The following DGKG variants were observed in gnomAD, a reference collection of about 807,000 sequenced individuals.
DGKG encodes the protein DAG kinase gamma.
DGKG carries 78 observed loss-of-function variants against 105.3 expected under a neutral mutation model. The observed-to-expected ratio is 0.74, with a 90% CI of 0.62 to 0.89. The LOEUF (loss-of-function observed/expected upper bound fraction) is 0.89. DGKG is among the 40% of genes least tolerant of loss of function. The pLI is 0.00. For synonymous variants in DGKG, 346 were observed against 367.1 expected (o/e 0.94, Z 0.66); for missense variants, 958 against 1,020.1 (o/e 0.94, Z 0.83).
intron 2 of DGKG, among the ~76,000 whole-genome samples, chr3:186,308,538 T>C (rs1724366529): frequency 6.6e-6 from 1 of 152,156 alleles, no homozygotes; most frequent in South Asian, 2.1e-4. Context: ...AAAGTAGACA[T>C]ATTCGTGGGC....
In DGKG at chr3:186,183,687, T is replaced by C. The variant is rs183311170; in HGVS notation, c.2095+4515A>G. 9.4e-4 allele frequency among the ~76,000 whole-genome samples: 143 copies of C among 151,706 alleles called. 1 individual carries two copies. The highest frequency in any genetic ancestry group is 3.3e-3 in the African/African-American group (137 of 41,206). ...GTTTGGCAGGAGCTCTAGTCTTTCT[T>C]TTTTTTTCTTTCTTTCTTTCTTTTT... On this transcript the variant is annotated intron_variant, in intron 22 of 24. Coordinates refer to ENST00000265022, the MANE Select transcript of DGKG (RefSeq NM_001346.3).
intron 24 of DGKG, chr3:186,160,740 C>A (rs987973683): frequency 2.0e-6 from 2 of 985,378 alleles, no homozygotes; most frequent in Non-Finnish European, 2.4e-6. Context: ...GAGGGTATTA[C>A]GCATGTAGTA....
chr3:186,259,837 C>T (rs907629618), intron 16 of DGKG, among the ~76,000 whole-genome samples: 2 of 152,196 alleles, frequency 1.3e-5, no homozygotes, highest in African/African-American at 2.4e-5. Context: ...ACAGGGACCA[C>T]GCCTCCCACC....
At chr3:186,244,292 C>G (rs963809885) in intron 19 of DGKG, among the ~76,000 whole-genome samples, 2 of 151,978 alleles carry the variant, frequency 1.3e-5, no homozygotes, top group Non-Finnish European at 2.9e-5. Context: ...GTCCAGCAGC[C>G]CACATCTGAA....
Position 186,233,959 on chromosome 3 carries a change from T to C in DGKG, c.1826+8545A>G, listed in dbSNP as rs115437908. Among the ~76,000 whole-genome samples, 565 of 152,364 alleles carry C rather than the reference T, an allele frequency of 3.7e-3. 6 individuals carry two copies. Among genetic ancestry groups the C allele is most frequent in the Middle Eastern group, 0.02 (6 of 294 alleles). ...CTCCAGGATTTGAATCCAGGTTGTA[T>C]GATAATGGAACCTTTCCTACTGGGC... On this transcript the variant is annotated intron_variant, in intron 20 of 24. Coordinates refer to ENST00000265022, the MANE Select transcript of DGKG (RefSeq NM_001346.3).
At chr3:186,249,602 G>T (rs565105153) in intron 19 of DGKG, among the ~76,000 whole-genome samples, 1 of 152,340 alleles carries the variant, frequency 6.6e-6, no homozygotes, top group East Asian at 1.9e-4. Flanking sequence ...AGCACTTTGG[G>T]AGGCTGAGGC....
chr3:186,273,367 CTTTTTTTTTTTTTTTTTT>C (rs375667915), intron 10 of DGKG, among the ~76,000 whole-genome samples: 1 of 85,598 alleles, frequency 1.2e-5, no homozygotes, highest in South Asian at 4.9e-4. Context: ...TGTTGTACCC[CTTTTTTTTTTTTTTTTTT>C]TTTTTTTTGA....
rs530598313 is a variant in DGKG, at chr3:186,325,452, GC to G, written c.-248-4746del. Among the ~76,000 whole-genome samples, 320 of 152,238 alleles carry G rather than the reference GC, an allele frequency of 2.1e-3. 4 individuals are homozygous for G. In the South Asian group the frequency reaches 0.029, roughly 14 times the overall value. Reference sequence around the variant, plus strand: ...TCAAGTAGAAAGTTTCTAGTATTGTGCCACAGGTTTCTGAACTTGATCTGAT... The same window carrying G: ...TCAAGTAGAAAGTTTCTAGTATTGTGCACAGGTTTCTGAACTTGATCTGAT... On this transcript the variant is annotated intron_variant, in intron 1 of 24. Coordinates refer to ENST00000265022, the MANE Select transcript of DGKG (RefSeq NM_001346.3).
chr3:186,284,750 G>T lies in DGKG; in HGVS notation c.545-41C>A. ...AGGTAAGCCTTGAGGTGTCCTCTAA[G>T]AAGCGCGGATGGCTGAAGTTTTGAT... On this transcript the variant is annotated intron_variant, in intron 6 of 24. Transcript: ENST00000265022. This position sits in a 1 kb window ranked among gnomAD's most constrained non-coding sequence, Gnocchi z 4.0. The T allele has an allele frequency of 6.4e-7, 1 of 1,571,742 alleles. No individual in the cohort carries two copies. The highest frequency in any genetic ancestry group is 1.1e-5 in the South Asian group (1 of 90,158).
chr3:186,253,064 AG>A (rs1721300610), intron 18 of DGKG, 28 bp downstream of exon 18: 1 of 1,602,268 alleles, frequency 6.2e-7, no homozygotes, highest in African/African-American at 1.3e-5. Context: ...ACCTGTTCCC[AG>A]GGTACCACCA....
intron 3 of DGKG, among the ~76,000 whole-genome samples, chr3:186,304,025 C>G (rs924908922): frequency 1.8e-4 from 27 of 152,212 alleles, no homozygotes; most frequent in Non-Finnish European, 3.4e-4. Flanking sequence ...TCCCTGGGAC[C>G]CAGCAGTGCC....
chr3:186,327,664 C>T (rs1300154190), intron 1 of DGKG, among the ~76,000 whole-genome samples: 1 of 151,910 alleles, frequency 6.6e-6, no homozygotes, highest in African/African-American at 2.4e-5. Context: ...CCACCTGCCT[C>T]GGTCTCCCAA....
intron 1 of DGKG, among the ~76,000 whole-genome samples, chr3:186,343,587 T>C (rs991097460): frequency 6.6e-6 from 1 of 152,174 alleles, no homozygotes; most frequent in South Asian, 2.1e-4. Flanking sequence ...ACCTGGACTA[T>C]CTTATTTTTA....
chr3:186,288,950 C>T (rs1723194322), intron 5 of DGKG, 70 bp from the exon 6 acceptor site: 3 of 1,433,682 alleles, frequency 2.1e-6, no homozygotes, highest in South Asian at 2.8e-5. Flanking sequence ...TCTTTGTTAC[C>T]CCATCCTTTT....
Position 186,226,980 on chromosome 3 carries a change from ACCT to A in DGKG, c.1827-15098_1827-15096del. On this transcript the variant is annotated intron_variant, in intron 20 of 24. Transcript: ENST00000265022. This position sits in a 1 kb window ranked among gnomAD's most constrained non-coding sequence, Gnocchi z 4.2. ...CTTAGTAAAATATGAAGTGGTAAGC[ACCT>A]CCTAACCCCTTCAAATTTAAACACT... Among the ~76,000 whole-genome samples the A allele has an allele frequency of 6.6e-6, 1 of 152,144 alleles. No individual in the cohort carries two copies. The highest frequency in any genetic ancestry group is 1.5e-5 in the Non-Finnish European group (1 of 68,020).
At chr3:186,150,792 A>G (rs1210129578) in intron 24 of DGKG, among the ~76,000 whole-genome samples, 1 of 152,198 alleles carries the variant, frequency 6.6e-6, no homozygotes. Flanking sequence ...TTTAAATTTT[A>G]GGGTTTATAA....
At chr3:186,200,516 C>T (rs985380008) in intron 21 of DGKG, among the ~76,000 whole-genome samples, 1 of 152,138 alleles carries the variant, frequency 6.6e-6, no homozygotes, top group Non-Finnish European at 1.5e-5. Context: ...GCTGGGTGCC[C>T]ACTTATCAGA....
intron 17 of DGKG, 169 bp downstream of exon 17, chr3:186,257,685 T>C (rs1721548515): frequency 4.1e-6 from 2 of 486,038 alleles, no homozygotes; most frequent in South Asian, 2.5e-5. Context: ...TTATTTCTTT[T>C]TTTTTTTTTT....
intron 21 of DGKG, chr3:186,207,591 ACTAACCC>A (rs1201277682): frequency 1.8e-6 from 1 of 551,612 alleles, no homozygotes; most frequent in Non-Finnish European, 2.3e-6. Context: ...TGGGAGGTAG[ACTAACCC>A]CTATGCCCCC....
Sources: allele counts gnomAD v4.1 joint callset (sites outside exome capture counted in the v4.1 genomes callset), GRCh38; gene constraint gnomAD v4.1.1; non-coding constraint Gnocchi (gnomAD v3.1); transcripts MANE v1.5; gene names NCBI Gene and HGNC (gene_info 2026-07-23, HGNC 2026-07-21).